FSHR: variants seen among roughly 807,000 people sequenced by gnomAD.
The protein encoded by FSHR is follicle stimulating hormone receptor.
A neutral mutation model predicts 52.1 loss-of-function variants in FSHR; 46 were observed. The ratio of observed to expected loss-of-function variants is 0.88; its 90% CI spans 0.70 to 1.13. The LOEUF (loss-of-function observed/expected upper bound fraction) is 1.13. Among genes scored for constraint, FSHR ranks in the 50% most tolerant of loss-of-function variants. The pLI, the probability that FSHR is intolerant of heterozygous loss-of-function variation, is 0.00. For synonymous variants in FSHR, 399 were observed against 309.6 expected, an observed-to-expected ratio of 1.29 and a Z score of -3.03; for missense variants, 964 against 834.6, an observed-to-expected ratio of 1.16 and a Z score of -1.91.
chr2:49,050,331 T>G (rs753569778), intron 2 of FSHR, among the ~76,000 whole-genome samples: 13 of 152,124 alleles, frequency 8.5e-5, no homozygotes, highest in Non-Finnish European at 1.9e-4. Flanking sequence ...AGCTGAAACT[T>G]GAAAGGAAAA....
chr2:49,120,932 A>T (rs1272909748), intron 1 of FSHR, among the ~76,000 whole-genome samples: 1 of 152,230 alleles, frequency 6.6e-6, no homozygotes, highest in African/African-American at 2.4e-5. Flanking sequence ...ATTGTGATAT[A>T]CCAGGAGAAC....
chr2:48,976,603 G>T (rs778261176), intron 8 of FSHR, among the ~76,000 whole-genome samples: 2 of 152,146 alleles, frequency 1.3e-5, no homozygotes, highest in African/African-American at 2.4e-5. Flanking sequence ...CTGTGAATCT[G>T]TCTGGTCCTG....
chr2:49,109,272 G>A (rs1010190864), intron 1 of FSHR, among the ~76,000 whole-genome samples: 1 of 152,090 alleles, frequency 6.6e-6, no homozygotes, highest in Admixed American at 6.6e-5. Flanking sequence ...CAGAGTGGGT[G>A]GGGGACAGAG....
intron 1 of FSHR, among the ~76,000 whole-genome samples, chr2:49,127,803 T>TTCA (rs1672079092): frequency 1.7e-5 from 1 of 60,276 alleles, no homozygotes; most frequent in African/African-American, 7.1e-5. Flanking sequence ...CTTCTTCTTC[T>TTCA]TCTTCTTCTT....
chr2:49,068,820 C>T (rs1247307556), intron 1 of FSHR, among the ~76,000 whole-genome samples: 1 of 152,050 alleles, frequency 6.6e-6, no homozygotes, highest in Non-Finnish European at 1.5e-5. Flanking sequence ...GTGAACTCTC[C>T]AGGGTCCTAA....
intron 2 of FSHR, among the ~76,000 whole-genome samples, chr2:49,039,863 A>G (rs1668418006): frequency 6.6e-6 from 1 of 152,128 alleles, no homozygotes; most frequent in South Asian, 2.1e-4. Flanking sequence ...AATATTAACC[A>G]TGGATATCTT....
chr2:49,030,665 T>C (rs1451427009), intron 2 of FSHR, among the ~76,000 whole-genome samples: 1 of 152,158 alleles, frequency 6.6e-6, no homozygotes, highest in Non-Finnish European at 1.5e-5. Context: ...GTAGCACCCT[T>C]ATGAGTGCCC....
intron 4 of FSHR, among the ~76,000 whole-genome samples, chr2:48,991,351 C>A (rs551642022): frequency 2.0e-5 from 3 of 152,078 alleles, no homozygotes; most frequent in Non-Finnish European, 4.4e-5. Flanking sequence ...TGAAGCTAAG[C>A]AATACTACCA....
At chr2:49,152,101 T>A (rs1414224667) in intron 1 of FSHR, among the ~76,000 whole-genome samples, 7 of 152,162 alleles carry the variant, frequency 4.6e-5, no homozygotes, top group Admixed American at 3.3e-4. Flanking sequence ...TTGAGAGAGC[T>A]TCTAAAGCTC....
At chr2:48,968,479 A>G (rs1193194741) in intron 9 of FSHR, among the ~76,000 whole-genome samples, 1 of 152,252 alleles carries the variant, frequency 6.6e-6, no homozygotes, top group Non-Finnish European at 1.5e-5. Context: ...GTTCTGCCAC[A>G]TGGGTAGCCC....
Position 48,962,821 on chromosome 2 carries a change from G to A in FSHR, c.2000C>T (p.Pro667Leu). ...ETSSTVHNTHPRNGHCSSAPR... is the reference protein window; with the variant it reads ...ETSSTVHNTHLRNGHCSSAPR... ...AGCTGAAGAGCAGTGGCCATTCCTT[G>A]GATGGGTGTTGTGGACAGTGGATGA... The change falls in exon 10 of 10, where the codon CCA (proline) becomes CTA (leucine). Residue 667 changes from proline to leucine, a missense_variant. Transcript: ENST00000406846. 3 of 1,614,148 alleles carry A rather than the reference G, an allele frequency of 1.9e-6. No homozygotes were observed. Among genetic ancestry groups the A allele is most frequent in the Non-Finnish European group, 2.5e-6 (3 of 1,179,998 alleles).
chr2:48,972,584 T>A (rs1021046013), intron 8 of FSHR, among the ~76,000 whole-genome samples: 1 of 152,232 alleles, frequency 6.6e-6, no homozygotes, highest in Non-Finnish European at 1.5e-5. Flanking sequence ...TAGTGACACT[T>A]GCCCTGTTTT....
chr2:49,137,375 A>G (rs531305637), intron 1 of FSHR, among the ~76,000 whole-genome samples: 1 of 152,126 alleles, frequency 6.6e-6, no homozygotes, highest in South Asian at 2.1e-4. Flanking sequence ...TTACATATTC[A>G]TAGGTCAGAA....
At chr2:48,988,913 G>A (rs1675638956) in intron 6 of FSHR, 64 bp downstream of exon 6, 2 of 1,372,822 alleles carry the variant, frequency 1.5e-6, no homozygotes, top group Non-Finnish European at 2.1e-6. Flanking sequence ...ATCCAATTAT[G>A]AGAAAGAGAT....
intron 4 of FSHR, among the ~76,000 whole-genome samples, chr2:49,002,492 G>C (rs1666932247): frequency 6.6e-6 from 1 of 152,038 alleles, no homozygotes; most frequent in Non-Finnish European, 1.5e-5. Flanking sequence ...GGGCTGGGGA[G>C]GCCTCAGGAA....
At chr2:49,009,819 C>G (rs1667205515) in intron 4 of FSHR, among the ~76,000 whole-genome samples, 2 of 135,316 alleles carry the variant, frequency 1.5e-5, no homozygotes, top group Admixed American at 1.6e-4. Flanking sequence ...CATGATTTGG[C>G]TCTCTGTTTG....
intron 1 of FSHR, among the ~76,000 whole-genome samples, chr2:49,069,836 C>A (rs951093895): frequency 6.6e-6 from 1 of 152,216 alleles, no homozygotes. Flanking sequence ...TTAACACGTC[C>A]TTTTACAAGG....
intron 6 of FSHR, 46 bp from the exon 7 acceptor site, chr2:48,983,212 C>A (rs1675336870): frequency 6.4e-7 from 1 of 1,554,732 alleles, no homozygotes; most frequent in Non-Finnish European, 8.9e-7. Context: ...CAGATGCAAA[C>A]AATACACGGG....
At chr2:48,976,180 G>A (rs929992799) in intron 8 of FSHR, among the ~76,000 whole-genome samples, 37 of 152,306 alleles carry the variant, frequency 2.4e-4, no homozygotes, top group Middle Eastern at 3.4e-3. Flanking sequence ...AGATTATTGA[G>A]ACTTTTTAGC....
Sources: allele counts gnomAD v4.1 joint callset (sites outside exome capture counted in the v4.1 genomes callset), GRCh38; gene constraint gnomAD v4.1.1; transcripts MANE v1.5; gene names NCBI Gene and HGNC (gene_info 2026-07-23, HGNC 2026-07-21).